ZNF746: variants seen among roughly 807,000 people sequenced by gnomAD.
ZNF746 encodes parkin-interacting substrate.
In ZNF746, 13 loss-of-function variants were observed where a neutral mutation model predicts 41.0. The ratio of observed to expected loss-of-function variants is 0.32; its 90% confidence interval spans 0.21 to 0.50. ZNF746 has a LOEUF of 0.50. Among genes scored for constraint, ZNF746 ranks in the 20% least tolerant of loss-of-function variants. The probability of loss-of-function intolerance (pLI) is 0.98; values close to 1 mark genes in which losing one functional copy is unlikely to be tolerated. For synonymous variants in ZNF746, 424 were observed against 396.2 expected (o/e 1.07, Z -0.83); for missense variants, 811 against 922.9 (o/e 0.88, Z 1.57).
rs781628576 is a variant in ZNF746 at position 149,474,475 on chromosome 7, G to A, written c.1892C>T (p.Ala631Val). ...PAPPDPFKSPASKGPLASTDL... is the reference protein window; with the variant it reads ...PAPPDPFKSPVSKGPLASTDL... ...TGTGGAGGCCAAAGGTCCTTTGGAG[G>A]CGGGGCTCTTGAAGGGATCAGGAGG... Residue 631 changes from alanine to valine, a missense_variant, in exon 7 of 7, where the codon GCC (alanine) becomes GTC (valine). By Grantham distance (64) the Ala-to-Val change is moderately conservative (BLOSUM62 0). Transcript: ENST00000458143. This position sits in a 1 kb window ranked among gnomAD's most constrained non-coding sequence, Gnocchi z 6.3. 8 of 1,611,038 alleles carry A rather than the reference G, an allele frequency of 5.0e-6. No homozygotes were observed. Among genetic ancestry groups the A allele is most frequent in the Middle Eastern group, 1.6e-4 (1 of 6,074 alleles).
intron 4 of ZNF746, among the ~76,000 whole-genome samples, chr7:149,487,435 T>C (rs938844066): frequency 6.6e-6 from 1 of 152,254 alleles, no homozygotes; most frequent in African/African-American, 2.4e-5. Context: ...TCTAGAAATG[T>C]ATCTTGTCCA....
chr7:149,484,241 G>A (rs947773956), intron 4 of ZNF746, among the ~76,000 whole-genome samples: 1 of 152,134 alleles, frequency 6.6e-6, no homozygotes, highest in Non-Finnish European at 1.5e-5. Context: ...AACAGTCTGA[G>A]AAAAGAAAAT....
In ZNF746 at chr7:149,494,584, G is replaced by C. The variant is rs1800933488; in HGVS notation, c.25-81C>G. On this transcript the variant is annotated intron_variant, in intron 1 of 6. Coordinates refer to ENST00000458143, the MANE Select transcript of ZNF746 (RefSeq NM_001394198.1). This position sits in a 1 kb window ranked among gnomAD's most constrained non-coding sequence, Gnocchi z 5.6. ...AGCCCCTCTCTCCCTAGGCACGGGG[G>C]AGTTGGGCTGGGAGTCCATATGTGT... 1.3e-6 allele frequency: 2 copies of C among 1,555,232 alleles called. No homozygotes were observed. Among genetic ancestry groups the C allele is most frequent in the African/African-American group, 1.4e-5 (1 of 73,650 alleles).
At chr7:149,493,268 G>A (rs963341310) in intron 3 of ZNF746, among the ~76,000 whole-genome samples, 5 of 152,196 alleles carry the variant, frequency 3.3e-5, no homozygotes, top group African/African-American at 9.7e-5. Context: ...GAATCACCTG[G>A]TCCCAAATGT....
At chr7:149,477,954 A>T (rs1800368615) in intron 4 of ZNF746, 199 bp from the exon 5 acceptor site, 8 of 463,900 alleles carry the variant, frequency 1.7e-5, no homozygotes. Context: ...GAATGCGGGT[A>T]GGGTAGGAAA....
intron 4 of ZNF746, chr7:149,491,242 G>A (rs1800796965): frequency 6.6e-6 from 1 of 152,434 alleles, no homozygotes; most frequent in South Asian, 2.1e-4. Flanking sequence ...CTTGTCTACT[G>A]GTGGGTAGAG....
chr7:149,480,770 A>C (rs1800462636), intron 4 of ZNF746, among the ~76,000 whole-genome samples: 1 of 152,228 alleles, frequency 6.6e-6, no homozygotes, highest in South Asian at 2.1e-4. Flanking sequence ...TGTGTAGGTT[A>C]AACAACAGAA....
chr7:149,474,630 C>T lies in ZNF746; in HGVS notation c.1737G>A (p.Val579=), dbSNP rs1157580031. ...LIDHYRTHTG[V]RPFTCTVCGK... ...CGCAGACGGTGCAGGTGAAGGGCCG[C>T]ACGCCCGTGTGCGTTCGGTAGTGGT... The change falls in exon 7 of 7, where the codon GTG becomes GTA. Residue 579 remains valine, a synonymous_variant. Transcript: ENST00000458143. The surrounding 1 kb of genome is among the most constrained non-coding windows in gnomAD (Gnocchi z 6.3). The T allele has an allele frequency of 6.2e-7, 1 of 1,612,960 alleles. No homozygotes were observed. The highest frequency in any genetic ancestry group is 1.3e-5 in the African/African-American group (1 of 74,736).
chr7:149,493,480 A>G (rs946384032), intron 3 of ZNF746, among the ~76,000 whole-genome samples: 2 of 152,176 alleles, frequency 1.3e-5, no homozygotes, highest in Non-Finnish European at 2.9e-5. Flanking sequence ...CTTCCTGGGC[A>G]GGATTAAACA....
At chr7:149,485,321 G>C (rs1800592466) in intron 4 of ZNF746, among the ~76,000 whole-genome samples, 1 of 152,182 alleles carries the variant, frequency 6.6e-6, no homozygotes, top group Non-Finnish European at 1.5e-5. Flanking sequence ...AATGTTAATA[G>C]ATGGAATGCA....
chr7:149,487,310 T>G (rs1489639190), intron 4 of ZNF746, among the ~76,000 whole-genome samples: 1 of 152,224 alleles, frequency 6.6e-6, no homozygotes, highest in East Asian at 1.9e-4. Context: ...AAACAGCATT[T>G]GATACAATAT....
intron 6 of ZNF746, among the ~76,000 whole-genome samples, chr7:149,475,703 C>T (rs1482049083): frequency 6.6e-6 from 1 of 152,150 alleles, no homozygotes; most frequent in African/African-American, 2.4e-5. Flanking sequence ...CAGGACAAGC[C>T]ACCATATCTG....
chr7:149,482,117 G>C (rs113151054), intron 4 of ZNF746, among the ~76,000 whole-genome samples: 1 of 151,992 alleles, frequency 6.6e-6, no homozygotes, highest in South Asian at 2.1e-4. Context: ...TTTTGTACAC[G>C]GTTTTTGAAA....
chr7:149,494,125 C>T lies in ZNF746; in HGVS notation c.325-10G>A, dbSNP rs1438524012. The T allele has an allele frequency of 6.2e-7, 1 of 1,614,052 alleles. No individual in the cohort carries two copies. Among genetic ancestry groups the T allele is most frequent in the Admixed American group, 1.7e-5 (1 of 60,012 alleles). ...CAAAGGTCACGGGCACCTGGAACCA[C>T]AAGTGTCACACTCGCTCACCCACAC... On this transcript the variant is annotated splice_polypyrimidine_tract_variant and intron_variant, in intron 2 of 6. Coordinates refer to ENST00000458143, the MANE Select transcript of ZNF746 (RefSeq NM_001394198.1). The surrounding 1 kb of genome is among the most constrained non-coding windows in gnomAD (Gnocchi z 5.6).
chr7:149,493,966 G>C (rs781577622), intron 3 of ZNF746, 23 bp downstream of exon 3: 2 of 1,614,214 alleles, frequency 1.2e-6, no homozygotes, highest in Admixed American at 1.7e-5. Context: ...CCATTTAACA[G>C]AGAAATGAGT....
At position 149,478,697 on chromosome 7, in the gene ZNF746, A is replaced by C. The variant is rs143649101; in HGVS notation, c.566-942T>G. 9.8e-5 allele frequency among the ~76,000 whole-genome samples: 15 copies of C among 152,314 alleles called. No individual in the cohort carries two copies. In the East Asian group the frequency reaches 2.7e-3, roughly 27 times the overall value. On this transcript the variant is annotated intron_variant, in intron 4 of 6. Transcript: ENST00000458143. ...GGCCATGAGAGTCATGGCAGAGTTC[A>C]CTCCCAAGAACTAATGAAAAAAAGG...
intron 4 of ZNF746, among the ~76,000 whole-genome samples, chr7:149,479,198 A>AAAAC (rs745796810): frequency 6.6e-6 from 1 of 152,226 alleles, no homozygotes; most frequent in Non-Finnish European, 1.5e-5. Flanking sequence ...AGTAGGTAAT[A>AAAAC]AAACAAACAA....
chr7:149,486,062 A>G (rs1280956629), intron 4 of ZNF746, among the ~76,000 whole-genome samples: 1 of 152,190 alleles, frequency 6.6e-6, no homozygotes, highest in Non-Finnish European at 1.5e-5. Context: ...AAAAAAATGC[A>G]AAGAAGACAT....
At position 149,473,871 on chromosome 7, in the gene ZNF746, A is replaced by G. The variant is rs1563246241; in HGVS notation, c.*513T>C. ...CACTGAGGTGTGCTCCAAGGGACCCAATGGCCCTCACTGCCCAGGGGCTTG... is the reference window on the plus strand; with the variant it reads ...CACTGAGGTGTGCTCCAAGGGACCCGATGGCCCTCACTGCCCAGGGGCTTG... On this transcript the variant is annotated 3_prime_UTR_variant, in exon 7 of 7. Transcript: ENST00000458143. 6.0e-6 allele frequency: 1 copy of G among 166,298 alleles called. No homozygotes were observed. Among genetic ancestry groups the G allele is most frequent in the Non-Finnish European group, 1.3e-5 (1 of 75,272 alleles). 10.3% of individuals were successfully genotyped at this position (166,298 alleles called of 1,614,324 possible).
Sources: allele counts gnomAD v4.1 joint callset (sites outside exome capture counted in the v4.1 genomes callset), GRCh38; gene constraint gnomAD v4.1.1; non-coding constraint Gnocchi (gnomAD v3.1); transcripts MANE v1.5; gene names NCBI Gene and HGNC (gene_info 2026-07-23, HGNC 2026-07-21).